BAG6: variants seen among roughly 807,000 people sequenced by gnomAD.
BAG6 encodes the protein large proline-rich protein BAG6.
A neutral mutation model predicts 121.0 loss-of-function variants in BAG6; 22 were observed. That is an observed-to-expected ratio of 0.18 (90% CI 0.13 to 0.26). The LOEUF (loss-of-function observed/expected upper bound fraction) is 0.26, where lower values mean the gene tolerates loss of function less well. BAG6 is among the 10% of genes least tolerant of loss of function. The pLI is 1.00. For missense variants in BAG6, 1,233 were observed against 1,537.7 expected, an observed-to-expected ratio of 0.80 and a Z score of 3.31; for synonymous variants, 583 against 584.6, an observed-to-expected ratio of 1.00 and a Z score of 0.04.
chr6:31,649,656 G>C, intron 2 of BAG6, 29 bp from the exon 3 acceptor site: 1 of 1,584,464 alleles, frequency 6.3e-7, no homozygotes, highest in Non-Finnish European at 8.7e-7. Flanking sequence ...CACAGGAATG[G>C]AAAGAATGGA....
intron 14 of BAG6, among the ~76,000 whole-genome samples, chr6:31,643,671 C>T (rs1282464958): frequency 7.7e-6 from 1 of 129,648 alleles, no homozygotes; most frequent in Non-Finnish European, 1.5e-5. Flanking sequence ...TTGCAGTGAG[C>T]CAAGATTGTA....
chr6:31,640,462 CAGG>C lies in BAG6; in HGVS notation c.3058_3060del (p.Pro1020del), dbSNP rs1452636596. On this transcript the variant is annotated inframe_deletion, in exon 23 of 26. Transcript: ENST00000676615. The surrounding 1 kb of genome is among the most constrained non-coding windows in gnomAD (Gnocchi z 4.2). Reference sequence around the variant, plus strand: ...TCATCCCGGGAGCCCCCCTCAGGAGCAGGAGGTGGACCTCGGGACATGGCCTCT... The same window carrying C: ...TCATCCCGGGAGCCCCCCTCAGGAGCAGGTGGACCTCGGGACATGGCCTCT... 4.3e-6 allele frequency: 7 copies of C among 1,613,452 alleles called. No individual in the cohort carries two copies. The East Asian group carries it at 6.7e-5, about 15-fold the overall frequency.
At position 31,639,123 on chromosome 6, in the gene BAG6, G is replaced by T; in HGVS notation, c.*8C>A. ...TCCCCTGATGAGGAAGGGCCATAGA[G>T]CAAAGAGCTAAGGATCATCAGCAAA... is the stretch of plus-strand genomic sequence containing the variant. On this transcript the variant is annotated 3_prime_UTR_variant, in exon 26 of 26. Coordinates refer to ENST00000676615, the MANE Select transcript of BAG6 (RefSeq NM_001387994.1). 7.2e-7 allele frequency: 1 copy of T among 1,389,886 alleles called. No homozygotes were observed. Among genetic ancestry groups the T allele is most frequent in the Non-Finnish European group, 1.0e-6 (1 of 984,388 alleles). 86.1% of individuals were successfully genotyped at this position (1,389,886 alleles called of 1,614,324 possible).
chr6:31,644,763 C>CA lies in BAG6; in HGVS notation c.1370-162dup. On this transcript the variant is annotated intron_variant, in intron 10 of 25. Transcript: ENST00000676615. This position sits in a 1 kb window ranked among gnomAD's most constrained non-coding sequence, Gnocchi z 4.9. ...AGAGGTACTCCCTTCACCACACAAA[C>CA]ACACCTCCAAAGACAAACCAACCCC... 8.0e-7 allele frequency: 1 copy of CA among 1,256,056 alleles called. No homozygotes were observed. Among genetic ancestry groups the CA allele is most frequent in the Non-Finnish European group, 1.1e-6 (1 of 875,760 alleles). The allele number at this position is 1,256,056 out of a possible 1,614,324, so 77.8% of individuals were successfully genotyped here.
In BAG6 at chr6:31,646,395, T is replaced by C; in HGVS notation, c.917A>G (p.Asn306Ser). ...GAAATTDYNN[N>S]HEGREEDQRL... The stretch of plus-strand genomic sequence containing the variant: ...GGGCAGGGCCATCAAAGGGCTCACA[T>C]TGTTATTGTAGTCCGTGGTGGCAGC... Residue 306 changes from asparagine to serine, a missense_variant and splice_region_variant, in exon 8 of 26, where the codon AAT becomes AGT. Coordinates refer to ENST00000676615, the MANE Select transcript of BAG6 (RefSeq NM_001387994.1). 6.2e-7 allele frequency: 1 copy of C among 1,612,592 alleles called. No individual in the cohort carries two copies. The highest frequency in any genetic ancestry group is 8.5e-7 in the Non-Finnish European group (1 of 1,179,822).
rs1324572241 is a variant in BAG6 at position 31,641,503 on chromosome 6, C to A, written c.2559+36G>T. On this transcript the variant is annotated intron_variant, in intron 18 of 25. Coordinates refer to ENST00000676615, the MANE Select transcript of BAG6 (RefSeq NM_001387994.1). The surrounding 1 kb of genome is among the most constrained non-coding windows in gnomAD (Gnocchi z 5.7). The stretch of plus-strand genomic sequence containing the variant: ...GGAGGAGGCAGCTGCCTTGACCAGA[C>A]CCAGGAGAGGAAAGGAATAGAGAAG... 1.2e-6 allele frequency: 2 copies of A among 1,614,078 alleles called. No homozygotes were observed. Among genetic ancestry groups the A allele is most frequent in the Non-Finnish European group, 8.5e-7 (1 of 1,179,950 alleles).
rs777538736 is a variant in BAG6, at chr6:31,647,809, T to C, written c.570A>G (p.Gln190=). ...GCGGGGGCGGCTGACTGTGCTGCGG[T>C]TGGGGCCCTCCTCGACACTGAAGGT... ...LSRMECRGGP[Q]PQHSQPPPQP... The change falls in exon 7 of 26, where the codon CAA becomes CAG. Residue 190 remains glutamine (Q), a synonymous_variant. Transcript: ENST00000676615. The C allele has an allele frequency of 6.4e-7, 1 of 1,560,718 alleles. No individual in the cohort carries two copies. The highest frequency in any genetic ancestry group is 8.6e-7 in the Non-Finnish European group (1 of 1,158,220).
chr6:31,640,600 C>T lies in BAG6; in HGVS notation c.2994+45G>A, dbSNP rs375494770. 931 of 1,612,702 alleles carry T rather than the reference C, an allele frequency of 5.8e-4. 2 individuals are homozygous for T. The highest frequency in any genetic ancestry group is 9.8e-4 in the Admixed American group (59 of 60,000). On this transcript the variant is annotated intron_variant, in intron 22 of 25. Transcript: ENST00000676615. The surrounding 1 kb of genome is among the most constrained non-coding windows in gnomAD (Gnocchi z 4.2). Reference sequence around the variant, plus strand: ...TCCAAACCTTTCTCCCCCAGCCCTCCACTCCACATTATCTGGCCCCTCAAC... The same window carrying T: ...TCCAAACCTTTCTCCCCCAGCCCTCTACTCCACATTATCTGGCCCCTCAAC...
intron 14 of BAG6, among the ~76,000 whole-genome samples, 170 bp downstream of exon 14, chr6:31,643,720 T>TAAAAAAAA (rs764068214): frequency 1.0e-4 from 1 of 9,664 alleles, no homozygotes; most frequent in Non-Finnish European, 1.8e-4. Flanking sequence ...AGACTCCATC[T>TAAAAAAAA]CAAAAAAAAA....
At chr6:31,651,550 A>G in intron 2 of BAG6, 106 bp downstream of exon 2, 1 of 1,116,652 alleles carries the variant, frequency 9.0e-7, no homozygotes, top group Non-Finnish European at 1.3e-6. Flanking sequence ...AAAAAAAGAA[A>G]AAAAAAGAAA....
chr6:31,642,860 G>C lies in BAG6; in HGVS notation c.2012C>G (p.Ala671Gly). Residue 671 changes from alanine (A) to glycine (G), a missense_variant, in exon 15 of 26, where the codon GCC becomes GGC. Physicochemically the swap from Ala to Gly is moderately conservative, Grantham distance 60. Coordinates refer to ENST00000676615, the MANE Select transcript of BAG6 (RefSeq NM_001387994.1). Reference sequence around the variant, plus strand: ...GAAGTCAGTCATGCCTTGGAGAAAGGCAGGGACACCAGGCATCGCCACAGT... The same window carrying C: ...GAAGTCAGTCATGCCTTGGAGAAAGCCAGGGACACCAGGCATCGCCACAGT... ...TITVAMPGVP[A>G]FLQGMTDFLQ... 1 of 1,612,726 alleles carries C rather than the reference G, an allele frequency of 6.2e-7. No individual in the cohort carries two copies. The highest frequency in any genetic ancestry group is 1.7e-5 in the Admixed American group (1 of 59,984).
At chr6:31,649,473 AG>A in intron 3 of BAG6, 36 bp downstream of exon 3, 1 of 1,613,102 alleles carries the variant, frequency 6.2e-7, no homozygotes, top group Non-Finnish European at 8.5e-7. Flanking sequence ...TCCAGACAGT[AG>A]CCCCAACCTC....
chr6:31,652,074 C>A lies in BAG6; in HGVS notation c.-13-298G>T, dbSNP rs1158535537. The A allele has an allele frequency of 3.3e-5, 10 of 304,388 alleles. No individual in the cohort carries two copies. The Admixed American group carries it at 4.1e-4, about 13-fold the overall frequency. 18.9% of individuals were successfully genotyped at this position (304,388 alleles called of 1,614,324 possible). On this transcript the variant is annotated intron_variant, in intron 1 of 25. Transcript: ENST00000676615. ...GAAGCACGAGACCAGAGACTAGTGTCATCACCGGTCACGGCAGGACAAGCG... is the reference window on the plus strand; with the variant it reads ...GAAGCACGAGACCAGAGACTAGTGTAATCACCGGTCACGGCAGGACAAGCG...
At chr6:31,642,799 G>C in intron 15 of BAG6, 30 bp downstream of exon 15, 1 of 1,604,888 alleles carries the variant, frequency 6.2e-7, no homozygotes, top group Non-Finnish European at 8.5e-7. Context: ...GGGACAGGAA[G>C]ATGAGGTGAA....
intron 15 of BAG6, 65 bp downstream of exon 15, chr6:31,642,764 A>T (rs1177051306): frequency 1.7e-5 from 27 of 1,567,558 alleles, no homozygotes; most frequent in Non-Finnish European, 2.3e-5. Flanking sequence ...AATGGCAAGA[A>T]GGTACCACTG....
In BAG6 at chr6:31,644,563, G is replaced by T; in HGVS notation, c.1409C>A (p.Thr470Asn). The change falls in exon 11 of 26, where the codon ACT becomes AAT. Residue 470 changes from threonine (T) to asparagine (N), a missense_variant. By Grantham distance (65) the Thr-to-Asn change is moderately conservative. This residue lies in a region of BAG6 where 777 missense variants were observed against 861.4 expected (regional missense o/e 0.90). Coordinates refer to ENST00000676615, the MANE Select transcript of BAG6 (RefSeq NM_001387994.1). This position sits in a 1 kb window ranked among gnomAD's most constrained non-coding sequence, Gnocchi z 4.9. ...ATGACCAGGGGGTCCCAGGGGGCCA[G>T]TGGGAGCACTCGGAACACCACCAGG... ...TQPGGVPSAP[T>N]GPLGPPGHGQ... The T allele has an allele frequency of 2.0e-5, 32 of 1,612,654 alleles. No homozygotes were observed. The highest frequency in any genetic ancestry group is 2.7e-5 in the Non-Finnish European group (32 of 1,179,838).
rs1786021383 is a variant in BAG6, at chr6:31,644,085, T to C, written c.1665A>G (p.Thr555=). The C allele has an allele frequency of 6.2e-7, 1 of 1,613,484 alleles. No individual in the cohort carries two copies. Among genetic ancestry groups the C allele is most frequent in the Non-Finnish European group, 8.5e-7 (1 of 1,179,690 alleles). Reference sequence around the variant, plus strand: ...GAACTCCCCGACCCTTGCTCACCAGTGTCCCAGAGACTGGGGGCCCTCCAG... The same window carrying C: ...GAACTCCCCGACCCTTGCTCACCAGCGTCCCAGAGACTGGGGGCCCTCCAG... ...SHPGGPPVSG[T]LQGAGLGTNA... is the part of the protein sequence containing the mutation. The change falls in exon 13 of 26, where the codon ACA becomes ACG. Residue 555 remains threonine, a synonymous_variant. Transcript: ENST00000676615. This position sits in a 1 kb window ranked among gnomAD's most constrained non-coding sequence, Gnocchi z 4.9.
At position 31,645,215 on chromosome 6, in the gene BAG6, G is replaced by A. The variant is rs1189779371; in HGVS notation, c.1117-17C>T. 1.2e-6 allele frequency: 2 copies of A among 1,604,574 alleles called. No individual in the cohort carries two copies. Among genetic ancestry groups the A allele is most frequent in the East Asian group, 2.2e-5 (1 of 44,808 alleles). On this transcript the variant is annotated splice_polypyrimidine_tract_variant and intron_variant, in intron 9 of 25. Coordinates refer to ENST00000676615, the MANE Select transcript of BAG6 (RefSeq NM_001387994.1). ...CACATTGATCTGAAAAAGACAGATGGACAGGCAGATGTGAGAAAAATACAA... is the reference window on the plus strand; with the variant it reads ...CACATTGATCTGAAAAAGACAGATGAACAGGCAGATGTGAGAAAAATACAA...
In BAG6 at chr6:31,647,672, C is replaced by G. The variant is rs147925659; in HGVS notation, c.707G>C (p.Arg236Pro). ...GAGCTCCGGGTTCTGGGCTGGGGCA[C>G]GCTCCTCCACTTCTTCTGCCTCCAT... ...EPMEAEEVEE[R>P]APAQNPELTP... Residue 236 changes from arginine to proline, a missense_variant, in exon 7 of 26, where the codon CGT (arginine) becomes CCT (proline). By Grantham distance (103) the Arg-to-Pro change is moderately radical (BLOSUM62 -2). Transcript: ENST00000676615. 2 of 1,604,132 alleles carry G rather than the reference C, an allele frequency of 1.2e-6. No individual in the cohort carries two copies. The highest frequency in any genetic ancestry group is 1.7e-6 in the Non-Finnish European group (2 of 1,176,760).
Sources: allele counts gnomAD v4.1 joint callset (sites outside exome capture counted in the v4.1 genomes callset), GRCh38; gene constraint gnomAD v4.1.1; regional missense constraint gnomAD v4.1.1; non-coding constraint Gnocchi (gnomAD v3.1); transcripts MANE v1.5; gene names NCBI Gene and HGNC (gene_info 2026-07-23, HGNC 2026-07-21).